AK4: variants seen among roughly 807,000 people sequenced by gnomAD.
AK4 encodes the protein adenylate kinase 4, mitochondrial.
AK4 carries 13 observed loss-of-function variants against 24.6 expected under a neutral mutation model. That is an observed-to-expected ratio of 0.53 (90% CI 0.34 to 0.84). The LOEUF is 0.84. Ranked by LOEUF, AK4 falls within the 40% of genes least tolerant of loss-of-function variation. The pLI, the probability that AK4 is intolerant of heterozygous loss-of-function variation, is 0.01. For synonymous variants in AK4, 88 were observed against 107.0 expected, an observed-to-expected ratio of 0.82 and a Z score of 1.10; for missense variants, 192 against 288.2, an observed-to-expected ratio of 0.67 and a Z score of 2.42.
chr1:65,190,663 T>C, intron 1 of AK4, 47 bp from the exon 2 acceptor site: 1 of 1,596,728 alleles, frequency 6.3e-7, no homozygotes. Flanking sequence ...AGCTTTGTGT[T>C]TGGGAAATTT....
At chr1:65,152,382 ATATT>A (rs1557434556) in intron 1 of AK4, among the ~76,000 whole-genome samples, 30 of 26,732 alleles carry the variant, frequency 1.1e-3, no homozygotes, top group African/African-American at 3.1e-3. Context: ...ATATATATAT[ATATT>A]TTTTTTTTTT....
At chr1:65,209,325 A>G (rs1225360154) in intron 2 of AK4, among the ~76,000 whole-genome samples, 1 of 152,220 alleles carries the variant, frequency 6.6e-6, no homozygotes, top group Non-Finnish European at 1.5e-5. Context: ...CACATTTGGA[A>G]TGGGCTAATT....
chr1:65,197,982 G>A (rs887120013), intron 2 of AK4, among the ~76,000 whole-genome samples: 2 of 152,096 alleles, frequency 1.3e-5, no homozygotes, highest in Non-Finnish European at 1.5e-5. Context: ...AGAATAAAGT[G>A]TATAATAGAT....
At chr1:65,196,622 G>C (rs994114145) in intron 2 of AK4, among the ~76,000 whole-genome samples, 5 of 152,014 alleles carry the variant, frequency 3.3e-5, no homozygotes, top group Admixed American at 6.5e-5. Flanking sequence ...ACACCACCAT[G>C]CCTGGCTAAT....
chr1:65,177,319 A>G (rs1650752212), intron 1 of AK4, among the ~76,000 whole-genome samples: 1 of 152,234 alleles, frequency 6.6e-6, no homozygotes. Flanking sequence ...TACAGTTTCA[A>G]AGTTTTAAAA....
rs7511787 is a variant in AK4 at position 65,229,371 on chromosome 1, G to A, written c.*3194G>A. The A allele has an allele frequency of 0.16, 23,579 of 151,790 alleles. 2,211 individuals carry two copies. Among genetic ancestry groups the A allele is most frequent in the African/African-American group, 0.26 (10,774 of 41,332 alleles). The allele number at this position is 151,790 out of a possible 1,614,324, so 9.4% of individuals were successfully genotyped here. On this transcript the variant is annotated 3_prime_UTR_variant, in exon 5 of 5. Transcript: ENST00000327299. Reference sequence around the variant, plus strand: ...CAATATCACAAGACTCCATCTCTACGGAAAAGTAAAAAATTAGCCAGTCAT... The same window carrying A: ...CAATATCACAAGACTCCATCTCTACAGAAAAGTAAAAAATTAGCCAGTCAT...
chr1:65,173,167 C>A (rs1261717025), intron 1 of AK4, among the ~76,000 whole-genome samples: 1 of 152,050 alleles, frequency 6.6e-6, no homozygotes, highest in African/African-American at 2.4e-5. Flanking sequence ...CCCGGCCTAG[C>A]AAGAGATTTT....
chr1:65,159,952 C>T (rs12406857), intron 1 of AK4, among the ~76,000 whole-genome samples: 14,781 of 142,282 alleles, frequency 0.1, 1,002 homozygotes, highest in Admixed American at 0.22. Context: ...TGGGCAACAG[C>T]GCCGAGACTA....
rs183288793 is a variant in AK4 at position 65,176,534 on chromosome 1, C to T, written c.146-14176C>T. On this transcript the variant is annotated intron_variant, in intron 1 of 4. Coordinates refer to ENST00000327299, the MANE Select transcript of AK4 (RefSeq NM_013410.4). ...AGTTGATTTCGCTGCCCGTGAATGC[C>T]GGGAGACTCTCCTTAGTCTGTAAAG... 3.8e-3 allele frequency among the ~76,000 whole-genome samples: 576 copies of T among 152,164 alleles called. 9 individuals carry two copies. The highest frequency in any genetic ancestry group is 0.031 in the Admixed American group (474 of 15,274).
chr1:65,186,990 G>T (rs1344290243), intron 1 of AK4, among the ~76,000 whole-genome samples: 2 of 152,120 alleles, frequency 1.3e-5, no homozygotes, highest in African/African-American at 4.8e-5. Context: ...AGTGAAATAT[G>T]GATACGTGGT....
At chr1:65,180,460 T>C (rs1650861681) in intron 1 of AK4, among the ~76,000 whole-genome samples, 1 of 152,166 alleles carries the variant, frequency 6.6e-6, no homozygotes, top group Admixed American at 6.5e-5. Context: ...AATTGAAAGG[T>C]GGATACTGGA....
In AK4 at chr1:65,211,190, G is replaced by C. The variant is rs565313052; in HGVS notation, c.266-7564G>C. Among the ~76,000 whole-genome samples the C allele has an allele frequency of 5.3e-5, 8 of 152,306 alleles. No individual in the cohort carries two copies. In the East Asian group the frequency reaches 1.5e-3, roughly 29 times the overall value. The stretch of plus-strand genomic sequence containing the variant: ...GTTTGAGGCCAGGAGTTCAAGACCA[G>C]CCTAGGGCACAAACCAAGACCCTGT... On this transcript the variant is annotated intron_variant, in intron 2 of 4. Transcript: ENST00000327299.
intron 2 of AK4, among the ~76,000 whole-genome samples, chr1:65,191,226 T>A (rs909909148): frequency 6.6e-6 from 1 of 152,188 alleles, no homozygotes; most frequent in South Asian, 2.1e-4. Flanking sequence ...AAATCCTTTA[T>A]TGAGTATGTA....
intron 2 of AK4, among the ~76,000 whole-genome samples, chr1:65,213,026 G>T (rs897246331): frequency 6.6e-6 from 1 of 152,230 alleles, no homozygotes; most frequent in Non-Finnish European, 1.5e-5. Flanking sequence ...CAGTTGTCTT[G>T]TCTTTGTGAA....
chr1:65,209,034 G>C (rs1291622774), intron 2 of AK4, among the ~76,000 whole-genome samples: 1 of 152,160 alleles, frequency 6.6e-6, no homozygotes, highest in Non-Finnish European at 1.5e-5. Context: ...GTCATAATTA[G>C]TGATATAACA....
chr1:65,206,030 A>G (rs1252102224), intron 2 of AK4, among the ~76,000 whole-genome samples: 3 of 152,110 alleles, frequency 2.0e-5, no homozygotes, highest in Non-Finnish European at 4.4e-5. Context: ...ACAGATCCCT[A>G]CACAGATAAC....
intron 1 of AK4, among the ~76,000 whole-genome samples, chr1:65,189,673 A>ACCC (rs1393185613): frequency 7.2e-6 from 1 of 139,498 alleles, no homozygotes; most frequent in Admixed American, 7.0e-5. Flanking sequence ...ACACACACAC[A>ACCC]CACACCCCAC....
At chr1:65,205,271 T>C (rs1651779908) in intron 2 of AK4, among the ~76,000 whole-genome samples, 1 of 152,222 alleles carries the variant, frequency 6.6e-6, no homozygotes, top group South Asian at 2.1e-4. Context: ...CAGGTCTTGC[T>C]CTGGCACCCA....
intron 2 of AK4, among the ~76,000 whole-genome samples, chr1:65,195,920 G>A (rs1188495105): frequency 6.6e-6 from 1 of 152,122 alleles, no homozygotes; most frequent in African/African-American, 2.4e-5. Flanking sequence ...GCTTGCTTTT[G>A]CCATGACTTC....
Sources: gnomAD v4.1 joint callset for allele counts (sites outside exome capture counted in the v4.1 genomes callset) on GRCh38, gnomAD v4.1.1 for gene constraint, MANE v1.5 for transcripts, NCBI Gene and HGNC (gene_info 2026-07-23, HGNC 2026-07-21) for gene names.